SHKBP1: variants seen among roughly 807,000 people sequenced by gnomAD.
SHKBP1 encodes the protein SH3KBP1 binding protein 1.
A neutral mutation model predicts 83.9 loss-of-function variants in SHKBP1; 71 were observed. The ratio of observed to expected loss-of-function variants is 0.85; its 90% CI spans 0.70 to 1.03. The LOEUF (loss-of-function observed/expected upper bound fraction) is 1.03. Ranked by LOEUF, SHKBP1 falls within the 50% of genes least tolerant of loss-of-function variation. The pLI, the probability that SHKBP1 is intolerant of heterozygous loss-of-function variation, is 0.00. For missense variants in SHKBP1, 824 were observed against 982.4 expected, an observed-to-expected ratio of 0.84 and a Z score of 2.16; for synonymous variants, 371 against 398.0, an observed-to-expected ratio of 0.93 and a Z score of 0.81.
intron 12 of SHKBP1, among the ~76,000 whole-genome samples, chr19:40,584,377 G>A (rs1161325727): frequency 6.6e-6 from 1 of 152,180 alleles, no homozygotes; most frequent in Non-Finnish European, 1.5e-5. Context: ...ACTTGAGACA[G>A]TTTTTTGTTT....
At chr19:40,577,034 G>A in intron 1 of SHKBP1, 49 bp downstream of exon 1, 3 of 1,376,520 alleles carry the variant, frequency 2.2e-6, no homozygotes, top group African/African-American at 2.9e-5. Flanking sequence ...CGGGAAGCGG[G>A]GTGGGAGTAT....
Position 40,577,295 on chromosome 19 carries a change from G to C in SHKBP1, c.140+11G>C. 1.9e-6 allele frequency: 3 copies of C among 1,614,088 alleles called. No homozygotes were observed. Among genetic ancestry groups the C allele is most frequent in the African/African-American group, 2.7e-5 (2 of 75,012 alleles). ...CTCCTTCTTCTCCAGGTGATCGGGA[G>C]AGCGAGTTTGGGGCGAGGGTAGGAG... is the stretch of plus-strand genomic sequence containing the variant. On this transcript the variant is annotated intron_variant, in intron 2 of 17. Coordinates refer to ENST00000291842, the MANE Select transcript of SHKBP1 (RefSeq NM_138392.4).
At position 40,583,730 on chromosome 19, in the gene SHKBP1, C is replaced by T. The variant is rs776931432; in HGVS notation, c.1165+13C>T. On this transcript the variant is annotated intron_variant, in intron 12 of 17. Coordinates refer to ENST00000291842, the MANE Select transcript of SHKBP1 (RefSeq NM_138392.4). ...ACCCCCAAGACCAGTAAGCTATGACCCGGCTTCCCCTGCTGCTGTCACCTG... is the reference window on the plus strand; with the variant it reads ...ACCCCCAAGACCAGTAAGCTATGACTCGGCTTCCCCTGCTGCTGTCACCTG... 24 of 1,600,452 alleles carry T rather than the reference C, an allele frequency of 1.5e-5. No homozygotes were observed. The highest frequency in any genetic ancestry group is 2.1e-5 in the Non-Finnish European group (24 of 1,167,956).
chr19:40,590,119 G>A lies in SHKBP1; in HGVS notation c.1590-125G>A. 8.8e-7 allele frequency: 1 copy of A among 1,133,380 alleles called. No individual in the cohort carries two copies. Among genetic ancestry groups the A allele is most frequent in the Non-Finnish European group, 1.2e-6 (1 of 820,356 alleles). The allele number at this position is 1,133,380 out of a possible 1,614,324, so 70.2% of individuals were successfully genotyped here. A position where few individuals can be genotyped will look rare whatever the true frequency, so the allele number is the denominator to read the frequency against. The stretch of plus-strand genomic sequence containing the variant: ...CCCTTGGGACTGGAACTCAAAAGCA[G>A]GCTAGGGATGGATAAAGATTGGGAT... On this transcript the variant is annotated intron_variant, in intron 15 of 17. Coordinates refer to ENST00000291842, the MANE Select transcript of SHKBP1 (RefSeq NM_138392.4). The surrounding 1 kb of genome is among the most constrained non-coding windows in gnomAD (Gnocchi z 4.6).
At chr19:40,586,981 C>G (rs55658896) in intron 13 of SHKBP1, 37 bp downstream of exon 13, 130,059 of 1,548,490 alleles carry the variant, frequency 0.084, 6,073 homozygotes, top group Middle Eastern at 0.12. Flanking sequence ...CTGGGAGAGA[C>G]AGCTCAGATG....
intron 4 of SHKBP1, 129 bp downstream of exon 4, chr19:40,577,759 G>C: frequency 8.4e-7 from 1 of 1,193,118 alleles, no homozygotes; most frequent in Non-Finnish European, 1.2e-6. Flanking sequence ...ATCACAGGCC[G>C]GGCGCGCCGG....
At chr19:40,584,614 C>A (rs2081296900) in intron 12 of SHKBP1, among the ~76,000 whole-genome samples, 1 of 152,196 alleles carries the variant, frequency 6.6e-6, no homozygotes, top group Non-Finnish European at 1.5e-5. Context: ...CTCTAGAAAT[C>A]ACTAATATGC....
chr19:40,578,565 A>AGG, intron 6 of SHKBP1, 23 bp downstream of exon 6: 2 of 1,606,610 alleles, frequency 1.2e-6, no homozygotes, highest in Non-Finnish European at 1.7e-6. Context: ...AATGGAATGG[A>AGG]GGGGCGCGGA....
chr19:40,577,434 C>T lies in SHKBP1; in HGVS notation c.179C>T (p.Thr60Ile). The change falls in exon 3 of 18, where the codon ACC (threonine) becomes ATC (isoleucine). Residue 60 changes from threonine to isoleucine, a missense_variant. Physicochemically the swap from Thr to Ile is moderately conservative, Grantham distance 89 (BLOSUM62 -1). This residue lies in a region of SHKBP1 where 355 missense variants were observed against 386.4 expected (regional missense o/e 0.92). Coordinates refer to ENST00000291842, the MANE Select transcript of SHKBP1 (RefSeq NM_138392.4). ...CGCATCTCGACGCTGAAAGATGAGA[C>T]CGGAGCAGTGAGTCGGACAAGAACT... ...SGRISTLKDE[T>I]GAIFIDRDPT... is the part of the protein sequence containing the mutation. The T allele has an allele frequency of 6.2e-7, 1 of 1,614,002 alleles. No individual in the cohort carries two copies.
chr19:40,582,601 C>T (rs2081278925), intron 10 of SHKBP1, 135 bp downstream of exon 10: 1 of 699,916 alleles, frequency 1.4e-6, no homozygotes, highest in Non-Finnish European at 2.4e-6. Context: ...CTGGCCAGAG[C>T]CTGGGGATGT....
chr19:40,578,056 C>T (rs1459311205), intron 4 of SHKBP1, 98 bp from the exon 5 acceptor site: 2 of 982,920 alleles, frequency 2.0e-6, no homozygotes, highest in Non-Finnish European at 3.3e-6. Flanking sequence ...ACTTTCTACC[C>T]CTTGACATTC....
chr19:40,587,344 C>A (rs150270248), intron 13 of SHKBP1, among the ~76,000 whole-genome samples: 4,601 of 152,290 alleles, frequency 0.03, 115 homozygotes, highest in South Asian at 0.054. Context: ...AATCCCAGAA[C>A]TTTGGGAGGC....
chr19:40,577,926 T>G, intron 4 of SHKBP1: 1 of 632,716 alleles, frequency 1.6e-6, no homozygotes, highest in Non-Finnish European at 2.8e-6. Context: ...ATGTTAAAAT[T>G]TTATGTCCTT....
chr19:40,589,637 C>T (rs138491959), intron 15 of SHKBP1, among the ~76,000 whole-genome samples: 61 of 151,404 alleles, frequency 4.0e-4, no homozygotes, highest in Non-Finnish European at 7.8e-4. Flanking sequence ...AAAGGGGCCT[C>T]GGAGGATGTT....
intron 4 of SHKBP1, 138 bp from the exon 5 acceptor site, chr19:40,578,016 A>T: frequency 1.4e-6 from 1 of 731,108 alleles, no homozygotes; most frequent in East Asian, 2.5e-5. Context: ...CACCCATATC[A>T]TCACTCCTTA....
chr19:40,586,267 C>G (rs866623930), intron 12 of SHKBP1, among the ~76,000 whole-genome samples: 4 of 152,090 alleles, frequency 2.6e-5, no homozygotes, highest in Non-Finnish European at 4.4e-5. Context: ...CTTTGTCTCC[C>G]TGTTCCTCCA....
rs778130163 is a variant in SHKBP1, at chr19:40,576,939, C to T, written c.40C>T (p.Arg14Trp). The T allele has an allele frequency of 1.2e-5, 18 of 1,494,964 alleles. No homozygotes were observed. In the East Asian group the frequency reaches 3.7e-4, roughly 31 times the overall value. 92.6% of individuals were successfully genotyped at this position (1,494,964 alleles called of 1,614,324 possible). The change falls in exon 1 of 18, where the codon CGG (arginine) becomes TGG (tryptophan). Residue 14 changes from arginine (R) to tryptophan (W), a missense_variant. Physicochemically the swap from Arg to Trp is moderately radical, Grantham distance 101 (BLOSUM62 -3). Around this residue, in one of 3 missense-constraint regions of SHKBP1, gnomAD observed 355 missense variants for 386.4 expected, o/e 0.92. Coordinates refer to ENST00000291842, the MANE Select transcript of SHKBP1 (RefSeq NM_138392.4). ...TACTGCAGCCGAGGGGGTCCCCAGT[C>T]GGGGGCCTCCCGGGGAAGTCATTCA... ...AATAAEGVPS[R>W]GPPGEVIHLN...
chr19:40,585,972 C>T (rs1344567179), intron 12 of SHKBP1, among the ~76,000 whole-genome samples: 1 of 151,996 alleles, frequency 6.6e-6, no homozygotes, highest in Non-Finnish European at 1.5e-5. Flanking sequence ...GTGGCGCAAT[C>T]ATAGCTCACT....
Position 40,577,541 on chromosome 19 carries a change from C to A in SHKBP1, c.187-16C>A, listed in dbSNP as rs1284401040. On this transcript the variant is annotated splice_polypyrimidine_tract_variant and intron_variant, in intron 3 of 17. Transcript: ENST00000291842. Reference sequence around the variant, plus strand: ...TGCCTTTTACCCCATCCATCCTCTGCCCCCCTTTCCCGCAGATCTTCATCG... The same window carrying A: ...TGCCTTTTACCCCATCCATCCTCTGACCCCCTTTCCCGCAGATCTTCATCG... 6.2e-7 allele frequency: 1 copy of A among 1,613,976 alleles called. No individual in the cohort carries two copies. Among genetic ancestry groups the A allele is most frequent in the South Asian group, 1.1e-5 (1 of 91,074 alleles).
Sources: gnomAD v4.1 joint callset for allele counts (sites outside exome capture counted in the v4.1 genomes callset) on GRCh38, gnomAD v4.1.1 for gene constraint, gnomAD v4.1.1 regional missense constraint, Gnocchi (gnomAD v3.1) non-coding constraint, MANE v1.5 for transcripts, NCBI Gene and HGNC (gene_info 2026-07-23, HGNC 2026-07-21) for gene names.